NRXN3: variants seen among roughly 807,000 people sequenced by gnomAD.
NRXN3 encodes neurexin 3.
Under a neutral mutation model 137.6 loss-of-function variants are expected in NRXN3, and 32 were observed. That is an observed-to-expected ratio of 0.23 (90% CI 0.18 to 0.31). The LOEUF is 0.31. Ranked by LOEUF, NRXN3 falls within the 10% of genes least tolerant of loss-of-function variation. The pLI, the probability that NRXN3 is intolerant of heterozygous loss-of-function variation, is 1.00. For synonymous variants in NRXN3, 798 were observed against 784.5 expected (o/e 1.02, Z -0.29); for missense variants, 1,574 against 2,062.5 (o/e 0.76, Z 4.59).
intron 15 of NRXN3, among the ~76,000 whole-genome samples, chr14:79,126,704 TG>T (rs1449498830): frequency 5.9e-5 from 9 of 151,990 alleles, no homozygotes; most frequent in Non-Finnish European, 8.8e-5. Flanking sequence ...ATGGGATGGC[TG>T]GGTCAAATGG....
intron 14 of NRXN3, among the ~76,000 whole-genome samples, chr14:78,982,956 A>C (rs1447225685): frequency 1.3e-5 from 2 of 152,292 alleles, no homozygotes; most frequent in Non-Finnish European, 2.9e-5. Context: ...CAAATACCCC[A>C]ATCAAAAAAT....
At chr14:78,552,072 G>A (rs2096697335) in intron 4 of NRXN3, among the ~76,000 whole-genome samples, 1 of 151,946 alleles carries the variant, frequency 6.6e-6, no homozygotes, top group Non-Finnish European at 1.5e-5. Flanking sequence ...TGGCATTTGT[G>A]TGGGGTGTGC....
At chr14:79,284,172 CCT>C (rs2081779339) in intron 15 of NRXN3, among the ~76,000 whole-genome samples, 3 of 148,178 alleles carry the variant, frequency 2.0e-5, no homozygotes, top group Admixed American at 2.0e-4. Context: ...TCTTTTTTTC[CCT>C]CTCTCTCTTA....
intron 14 of NRXN3, among the ~76,000 whole-genome samples, chr14:78,974,766 G>A (rs2099458114): frequency 6.6e-6 from 1 of 152,024 alleles, no homozygotes; most frequent in South Asian, 2.1e-4. Flanking sequence ...CTAACATTGG[G>A]GTGTGGACTA....
At chr14:79,605,886 G>A (rs2543576) in intron 16 of NRXN3, among the ~76,000 whole-genome samples, 73,342 of 152,066 alleles carry the variant, frequency 0.48, 19,686 homozygotes, top group African/African-American at 0.72. Context: ...GAGACAAATG[G>A]CCTTTTGTTA....
intron 10 of NRXN3, among the ~76,000 whole-genome samples, chr14:78,866,794 C>CTTTTTT (rs1208179961): frequency 8.4e-6 from 1 of 119,094 alleles, no homozygotes. Flanking sequence ...TTACCTTCAT[C>CTTTTTT]TTTTTTTTTT....
intron 14 of NRXN3, among the ~76,000 whole-genome samples, chr14:78,984,324 A>G (rs1166548034): frequency 2.0e-5 from 3 of 152,232 alleles, no homozygotes; most frequent in Non-Finnish European, 4.4e-5. Context: ...ATAACATTGT[A>G]TCCCATAAAT....
chr14:78,940,365 C>T (rs1369621042), intron 10 of NRXN3, among the ~76,000 whole-genome samples: 1 of 152,176 alleles, frequency 6.6e-6, no homozygotes, highest in Non-Finnish European at 1.5e-5. Flanking sequence ...CACACACACA[C>T]TCCCAATAGC....
At chr14:79,046,369 A>T (rs1301988304) in intron 15 of NRXN3, among the ~76,000 whole-genome samples, 1 of 152,222 alleles carries the variant, frequency 6.6e-6, no homozygotes, top group Non-Finnish European at 1.5e-5. Context: ...TGAGATTTGG[A>T]GCAAGGTCTA....
intron 6 of NRXN3, among the ~76,000 whole-genome samples, chr14:78,704,685 G>A (rs1204411113): frequency 1.3e-5 from 2 of 152,092 alleles, no homozygotes; most frequent in African/African-American, 4.8e-5. Context: ...AGAGAGATAA[G>A]GGCTCAAGTT....
intron 15 of NRXN3, among the ~76,000 whole-genome samples, chr14:79,253,165 T>TG (rs1218322288): frequency 1.3e-5 from 2 of 152,174 alleles, no homozygotes; most frequent in African/African-American, 4.8e-5. Context: ...CTGTGTGTTT[T>TG]GGGGAAGAGA....
chr14:79,773,618 G>T (rs936259778), intron 19 of NRXN3, among the ~76,000 whole-genome samples: 1 of 123,028 alleles, frequency 8.1e-6, no homozygotes, highest in Non-Finnish European at 1.7e-5. Context: ...TCACACTCTG[G>T]GGACTGTTTT....
chr14:79,546,753 A>G (rs749995991), intron 16 of NRXN3, among the ~76,000 whole-genome samples: 7 of 152,166 alleles, frequency 4.6e-5, no homozygotes, highest in Non-Finnish European at 1.0e-4. Flanking sequence ...TTTATCACTC[A>G]AGCATGGACT....
chr14:78,394,091 T>A (rs1285552016), intron 4 of NRXN3, among the ~76,000 whole-genome samples: 2 of 152,148 alleles, frequency 1.3e-5, no homozygotes, highest in South Asian at 2.1e-4. Flanking sequence ...TGTATTTTTT[T>A]AAATTTCCTT....
In NRXN3 at chr14:79,266,030, C is replaced by T. The variant is rs74923143; in HGVS notation, c.3263-201191C>T. 9.2e-3 allele frequency among the ~76,000 whole-genome samples: 1,394 copies of T among 152,196 alleles called. 8 individuals are homozygous for T. Among genetic ancestry groups the T allele is most frequent in the Non-Finnish European group, 0.014 (963 of 68,002 alleles). On this transcript the variant is annotated intron_variant, in intron 15 of 20. Coordinates refer to ENST00000335750, the MANE Select transcript of NRXN3 (RefSeq NM_001330195.2). ...AGCATACCAGCAGGTGTTATTATTC[C>T]AAAGCTGTGTAGCTCTTTAGCCCCT...
At chr14:78,435,519 A>G (rs540596397) in intron 4 of NRXN3, among the ~76,000 whole-genome samples, 65 of 152,188 alleles carry the variant, frequency 4.3e-4, no homozygotes, top group African/African-American at 1.3e-3. Flanking sequence ...AAAGTTGGCA[A>G]TTTTCTTTTG....
chr14:78,883,489 A>G (rs949991356), intron 10 of NRXN3, among the ~76,000 whole-genome samples: 1 of 152,220 alleles, frequency 6.6e-6, no homozygotes, highest in Non-Finnish European at 1.5e-5. Context: ...TAAAGGGAGT[A>G]AAGTCAGGCT....
intron 17 of NRXN3, among the ~76,000 whole-genome samples, chr14:79,676,105 C>G (rs1365132166): frequency 6.6e-6 from 1 of 152,122 alleles, no homozygotes; most frequent in East Asian, 1.9e-4. Context: ...TTGTCCCTGT[C>G]TTGCTGCTGA....
chr14:78,748,762 A>T (rs1328409701), intron 8 of NRXN3, among the ~76,000 whole-genome samples: 8 of 152,332 alleles, frequency 5.3e-5, no homozygotes, highest in Admixed American at 1.3e-4. Context: ...TGCACTGTTC[A>T]TAGGAGATTT....
Sources: allele counts gnomAD v4.1 joint callset (sites outside exome capture counted in the v4.1 genomes callset), GRCh38; gene constraint gnomAD v4.1.1; transcripts MANE v1.5; gene names NCBI Gene and HGNC (gene_info 2026-07-23, HGNC 2026-07-21).